Variants in C16orf74 observed in about 807,000 individuals in gnomAD.
C16orf74 encodes calcimembrin, also known as uncharacterized protein C16orf74.
A neutral mutation model predicts 6.5 loss-of-function variants in C16orf74; 10 were observed. The observed-to-expected ratio is 1.54, with a 90% CI of 0.95 to 2.61. C16orf74 has a LOEUF of 2.61. C16orf74 is among the 30% of genes most tolerant of loss of function. The probability of loss-of-function intolerance (pLI) is 0.00; values close to 1 mark genes in which losing one functional copy is unlikely to be tolerated. For synonymous variants in C16orf74, 60 were observed against 42.5 expected, an observed-to-expected ratio of 1.41 and a Z score of -1.60; for missense variants, 141 against 105.9, an observed-to-expected ratio of 1.33 and a Z score of -1.45.
chr16:85,736,327 A>T (rs2054244358), intron 1 of C16orf74, among the ~76,000 whole-genome samples: 1 of 152,088 alleles, frequency 6.6e-6, no homozygotes, highest in Non-Finnish European at 1.5e-5. Flanking sequence ...GTGGATTGGT[A>T]GCATCAGCAA....
At chr16:85,738,342 T>TTG (rs2054267327) in intron 1 of C16orf74, among the ~76,000 whole-genome samples, 1 of 150,756 alleles carries the variant, frequency 6.6e-6, no homozygotes, top group African/African-American at 2.4e-5. Context: ...TTTTTTTTTT[T>TTG]GAGACAGAGT....
chr16:85,709,750 C>T (rs532962992), intron 3 of C16orf74, among the ~76,000 whole-genome samples: 2 of 152,322 alleles, frequency 1.3e-5, no homozygotes, highest in South Asian at 2.1e-4. Flanking sequence ...GCCCAGGGTC[C>T]GGCCCCAGCC....
intron 2 of C16orf74, among the ~76,000 whole-genome samples, chr16:85,718,971 C>T (rs1163040387): frequency 6.6e-6 from 1 of 152,250 alleles, no homozygotes; most frequent in East Asian, 1.9e-4. Flanking sequence ...TTCCTGGTTC[C>T]AGCCTGACTC....
At chr16:85,730,552 C>T (rs1411263897) in intron 2 of C16orf74, among the ~76,000 whole-genome samples, 1 of 133,374 alleles carries the variant, frequency 7.5e-6, no homozygotes, top group Non-Finnish European at 1.6e-5. Flanking sequence ...CCACTGAACC[C>T]CCACATCAGC....
At chr16:85,710,767 C>G (rs911400546) in intron 2 of C16orf74, 2 of 156,178 alleles carry the variant, frequency 1.3e-5, no homozygotes, top group African/African-American at 4.8e-5. Context: ...CTTCCTCTGC[C>G]TGAGTAACAA....
At chr16:85,746,661 A>G (rs1362441442) in intron 1 of C16orf74, among the ~76,000 whole-genome samples, 3 of 152,186 alleles carry the variant, frequency 2.0e-5, no homozygotes, top group African/African-American at 7.2e-5. Flanking sequence ...CAGCTGAAGA[A>G]TGTGACTGTT....
Position 85,744,566 on chromosome 16 carries a change from C to T in C16orf74, c.-19+6360G>A, listed in dbSNP as rs529476432. Among the ~76,000 whole-genome samples the T allele has an allele frequency of 3.6e-4, 55 of 152,304 alleles. No individual in the cohort carries two copies. The South Asian group carries it at 3.7e-3, about 10-fold the overall frequency. On this transcript the variant is annotated intron_variant, in intron 1 of 3. Coordinates refer to ENST00000284245, the MANE Select transcript of C16orf74 (RefSeq NM_206967.3). ...CTGTCAGCAGCCAGATGCGGTGGCT[C>T]ATGCCTGAAATCCCAGCACTTTGGG...
At chr16:85,742,110 C>T (rs145031113) in intron 1 of C16orf74, among the ~76,000 whole-genome samples, 1,659 of 152,234 alleles carry the variant, frequency 0.011, 28 homozygotes, top group African/African-American at 0.038. Context: ...TGGTGGCTCA[C>T]GCCTGTAATC....
intron 2 of C16orf74, among the ~76,000 whole-genome samples, chr16:85,719,013 A>G (rs1457992056): frequency 6.6e-6 from 1 of 152,224 alleles, no homozygotes; most frequent in African/African-American, 2.4e-5. Context: ...TTCTATGGGA[A>G]TGGCCAGGGG....
At chr16:85,740,730 G>T (rs919238316) in intron 1 of C16orf74, among the ~76,000 whole-genome samples, 1 of 149,596 alleles carries the variant, frequency 6.7e-6, no homozygotes, top group African/African-American at 2.5e-5. Flanking sequence ...CGGGCTTGGT[G>T]GCGGGCATCT....
intron 1 of C16orf74, among the ~76,000 whole-genome samples, chr16:85,744,888 T>C (rs529968158): frequency 6.9e-6 from 1 of 144,072 alleles, no homozygotes; most frequent in South Asian, 2.2e-4. Flanking sequence ...ACGCCTGTAA[T>C]ACCATCACTT....
At chr16:85,739,447 G>C (rs2054279450) in intron 1 of C16orf74, among the ~76,000 whole-genome samples, 1 of 152,292 alleles carries the variant, frequency 6.6e-6, no homozygotes, top group Admixed American at 6.5e-5. Context: ...ATGATGTCTG[G>C]AATTTGCTGT....
chr16:85,708,136 A>C, intron 3 of C16orf74, 70 bp from the exon 4 acceptor site: 8 of 1,328,248 alleles, frequency 6.0e-6, no homozygotes, highest in Non-Finnish European at 8.5e-6. Context: ...TTTCCCTGGG[A>C]ACTGCAGGGC....
intron 1 of C16orf74, among the ~76,000 whole-genome samples, chr16:85,750,346 TA>T (rs927298867): frequency 6.6e-6 from 1 of 152,166 alleles, no homozygotes; most frequent in Non-Finnish European, 1.5e-5. Flanking sequence ...TGCCCCTTTT[TA>T]CTGAGACCTC....
chr16:85,728,150 A>G (rs1006541712), intron 2 of C16orf74, among the ~76,000 whole-genome samples: 2 of 152,110 alleles, frequency 1.3e-5, no homozygotes, highest in South Asian at 2.1e-4. Flanking sequence ...TCTCAAAAAT[A>G]TAAATAAATA....
At chr16:85,709,907 G>C (rs958674747) in intron 3 of C16orf74, among the ~76,000 whole-genome samples, 3 of 152,232 alleles carry the variant, frequency 2.0e-5, no homozygotes, top group African/African-American at 7.2e-5. Context: ...GGGCCAGCCC[G>C]GCCCCATCCA....
chr16:85,741,314 C>T (rs1247202503), intron 1 of C16orf74, among the ~76,000 whole-genome samples: 4 of 152,184 alleles, frequency 2.6e-5, no homozygotes, highest in Non-Finnish European at 5.9e-5. Context: ...GAAGAGGTGT[C>T]TGGAACTGAC....
intron 2 of C16orf74, among the ~76,000 whole-genome samples, chr16:85,732,958 C>A (rs1033545513): frequency 2.0e-5 from 3 of 152,148 alleles, no homozygotes; most frequent in Non-Finnish European, 4.4e-5. Context: ...TGCTTTCACT[C>A]GTGAGGGGCC....
rs544547367 is a variant in C16orf74 at position 85,724,244 on chromosome 16, G to T, written c.28+10946C>A. Reference sequence around the variant, plus strand: ...ACAAAGCCAGGGAGACCCCCGGTGGGACCGTGAGTCCCAGCACCTCCCCAT... The same window carrying T: ...ACAAAGCCAGGGAGACCCCCGGTGGTACCGTGAGTCCCAGCACCTCCCCAT... On this transcript the variant is annotated intron_variant, in intron 2 of 3. Coordinates refer to ENST00000284245, the MANE Select transcript of C16orf74 (RefSeq NM_206967.3). Among the ~76,000 whole-genome samples the T allele has an allele frequency of 3.5e-3, 527 of 152,272 alleles. 5 individuals are homozygous for T. Among genetic ancestry groups the T allele is most frequent in the African/African-American group, 0.012 (506 of 41,532 alleles).
Sources: allele counts gnomAD v4.1 joint callset (sites outside exome capture counted in the v4.1 genomes callset), GRCh38; gene constraint gnomAD v4.1.1; transcripts MANE v1.5; gene names NCBI Gene and HGNC (gene_info 2026-07-23, HGNC 2026-07-21).